ARHGEF28: variants seen among roughly 807,000 people sequenced by gnomAD.
ARHGEF28 encodes the protein 190 kDa guanine nucleotide exchange factor.
ARHGEF28 carries 152 observed loss-of-function variants against 206.6 expected under a neutral mutation model. The observed-to-expected ratio is 0.74, with a 90% CI of 0.64 to 0.84. ARHGEF28 has a LOEUF of 0.84. ARHGEF28 is among the 40% of genes least tolerant of loss of function. The pLI, the probability that ARHGEF28 is intolerant of heterozygous loss-of-function variation, is 0.00. For synonymous variants in ARHGEF28, 763 were observed against 776.4 expected (o/e 0.98, Z 0.29); for missense variants, 2,028 against 2,073.2 (o/e 0.98, Z 0.42).
intron 1 of ARHGEF28, among the ~76,000 whole-genome samples, chr5:73,668,647 T>C (rs1237878401): frequency 6.6e-6 from 1 of 152,168 alleles, no homozygotes; most frequent in Non-Finnish European, 1.5e-5. Context: ...TTTTTCTCAA[T>C]AGCCCTGGAA....
chr5:73,892,892 TCTATC>T (rs1418263803), intron 27 of ARHGEF28, among the ~76,000 whole-genome samples: 2 of 152,320 alleles, frequency 1.3e-5, no homozygotes, highest in East Asian at 3.9e-4. Flanking sequence ...GCACCCCACT[TCTATC>T]CTTTACAATT....
At chr5:73,649,783 A>G (rs1744681249) in intron 1 of ARHGEF28, among the ~76,000 whole-genome samples, 1 of 152,202 alleles carries the variant, frequency 6.6e-6, no homozygotes, top group South Asian at 2.1e-4. Context: ...TGGGACAGAA[A>G]TCTGTTCCTC....
In ARHGEF28 at chr5:73,840,484, G is replaced by A; in HGVS notation, c.1151G>A (p.Gly384Asp). Residue 384 changes from glycine to aspartate, a missense_variant, in exon 11 of 36, where the codon GGT becomes GAT. Gly to Asp is a moderately conservative substitution (Grantham distance 94). Around this residue, in one of 3 missense-constraint regions of ARHGEF28, gnomAD observed 1,002 missense variants for 1,015.3 expected, o/e 0.99. Transcript: ENST00000513042. ...TGTTTTTCTTTCAACTTCCAGGTTG[G>A]TGATTTGGATATCAGCTATATTAAT... Reference protein sequence around the residue: ...YANCMVIDQVGDLDISYINIE... With the variant: ...YANCMVIDQVDDLDISYINIE... 1 of 1,610,188 alleles carries A rather than the reference G, an allele frequency of 6.2e-7. No homozygotes were observed.
At chr5:73,741,383 G>GTGTA (rs1751407537) in intron 2 of ARHGEF28, among the ~76,000 whole-genome samples, 3 of 18,316 alleles carry the variant, frequency 1.6e-4, no homozygotes, top group East Asian at 2.1e-3. Context: ...GTGTGTGTGT[G>GTGTA]TGTATATATA....
At chr5:73,709,944 T>C (rs879277735) in intron 2 of ARHGEF28, among the ~76,000 whole-genome samples, 6 of 152,246 alleles carry the variant, frequency 3.9e-5, no homozygotes, top group Admixed American at 3.9e-4. Context: ...TTCCATGGCA[T>C]AGATGTACCA....
At chr5:73,702,462 T>G (rs1284568230) in intron 2 of ARHGEF28, among the ~76,000 whole-genome samples, 1 of 152,190 alleles carries the variant, frequency 6.6e-6, no homozygotes, top group Non-Finnish European at 1.5e-5. Flanking sequence ...GCAACTATCA[T>G]TCTACTCTTT....
At chr5:73,871,811 C>G (rs899697119) in intron 21 of ARHGEF28, among the ~76,000 whole-genome samples, 2 of 152,250 alleles carry the variant, frequency 1.3e-5, no homozygotes, top group Admixed American at 1.3e-4. Flanking sequence ...CTTTCTGTCT[C>G]TACAGATTTG....
chr5:73,703,168 G>A (rs1295102475), intron 2 of ARHGEF28, among the ~76,000 whole-genome samples: 1 of 152,134 alleles, frequency 6.6e-6, no homozygotes, highest in Non-Finnish European at 1.5e-5. Flanking sequence ...AGCTCAGTCA[G>A]TTTATGCAAC....
Position 73,876,632 on chromosome 5 carries a change from G to T in ARHGEF28, c.2814+3386G>T, listed in dbSNP as rs78444149. 2.5e-3 allele frequency among the ~76,000 whole-genome samples: 360 copies of T among 141,596 alleles called. No homozygotes were observed. In the East Asian group the frequency reaches 0.026, roughly 10 times the overall value. 92.9% of individuals were successfully genotyped at this position (141,596 alleles called of 152,430 possible). On this transcript the variant is annotated intron_variant, in intron 22 of 35. Coordinates refer to ENST00000513042, the MANE Select transcript of ARHGEF28 (RefSeq NM_001177693.2). ...TTTATTGAGAGTTTTTAGCATGAAG[G>T]GTTGTTGAATTTTGTCAAAGGCCTT...
At chr5:73,866,806 G>A (rs77490726) in intron 18 of ARHGEF28, among the ~76,000 whole-genome samples, 1,541 of 152,204 alleles carry the variant, frequency 0.01, 15 homozygotes, top group Middle Eastern at 0.024. Context: ...ATTTTGTGAC[G>A]CCTTCTGCCT....
At chr5:73,893,331 C>G (rs1384387884) in intron 28 of ARHGEF28, 43 bp downstream of exon 28, 1 of 1,466,398 alleles carries the variant, frequency 6.8e-7, no homozygotes, top group South Asian at 1.4e-5. Flanking sequence ...TGGTGTTCTC[C>G]TGGGTGTTGG....
rs901615688 is a variant in ARHGEF28 at position 73,809,122 on chromosome 5, T to C, written c.1024+13731T>C. On this transcript the variant is annotated intron_variant, in intron 9 of 35. Coordinates refer to ENST00000513042, the MANE Select transcript of ARHGEF28 (RefSeq NM_001177693.2). ...GAAGCTGAGGAGACAGGAGAATCAC[T>C]GGAGCCTGGATGGCGGAAGTAGTAG... 7.9e-5 allele frequency among the ~76,000 whole-genome samples: 12 copies of C among 151,726 alleles called. 1 individual carries two copies. The highest frequency in any genetic ancestry group is 5.3e-4 in the Admixed American group (8 of 15,206).
At chr5:73,629,983 A>G (rs868551064) in intron 1 of ARHGEF28, among the ~76,000 whole-genome samples, 3 of 152,220 alleles carry the variant, frequency 2.0e-5, no homozygotes, top group Non-Finnish European at 4.4e-5. Context: ...TTTGCTCTCC[A>G]TAGTAGCCTG....
intron 1 of ARHGEF28, among the ~76,000 whole-genome samples, chr5:73,630,168 G>T (rs939009209): frequency 6.6e-6 from 1 of 152,146 alleles, no homozygotes; most frequent in Admixed American, 6.5e-5. Context: ...TAGATGAAGC[G>T]TATATTGTAT....
intron 14 of ARHGEF28, 86 bp downstream of exon 14, chr5:73,852,778 T>A: frequency 7.1e-7 from 1 of 1,406,496 alleles, no homozygotes; most frequent in Non-Finnish European, 1.0e-6. Context: ...ATCTGTTCAC[T>A]AGTTCATGAG....
At chr5:73,763,844 A>G (rs55936387) in intron 4 of ARHGEF28, among the ~76,000 whole-genome samples, 7,113 of 152,300 alleles carry the variant, frequency 0.047, 219 homozygotes, top group African/African-American at 0.083. Flanking sequence ...GGATTACAGC[A>G]CATTTGTCTT....
intron 1 of ARHGEF28, among the ~76,000 whole-genome samples, chr5:73,653,121 G>A (rs181194517): frequency 5.9e-5 from 9 of 152,220 alleles, no homozygotes; most frequent in South Asian, 2.1e-4. Flanking sequence ...CTTGCCCAGC[G>A]CCACACATCC....
chr5:73,713,962 A>C (rs1749418089), intron 2 of ARHGEF28, among the ~76,000 whole-genome samples: 1 of 152,236 alleles, frequency 6.6e-6, no homozygotes, highest in Non-Finnish European at 1.5e-5. Context: ...ATCAGGGAAA[A>C]TGAAGGAAAG....
chr5:73,655,952 C>T (rs1745170127), intron 1 of ARHGEF28, among the ~76,000 whole-genome samples: 1 of 152,132 alleles, frequency 6.6e-6, no homozygotes, highest in African/African-American at 2.4e-5. Context: ...AGTGTTTTGT[C>T]TGCTGTAGCC....
Sources: gnomAD v4.1 joint callset for allele counts (sites outside exome capture counted in the v4.1 genomes callset) on GRCh38, gnomAD v4.1.1 for gene constraint, gnomAD v4.1.1 regional missense constraint, MANE v1.5 for transcripts, NCBI Gene and HGNC (gene_info 2026-07-23, HGNC 2026-07-21) for gene names.